The following CDK7 variants were observed in gnomAD, a reference collection of about 807,000 sequenced individuals.
CDK7 encodes the protein cyclin dependent kinase 7.
Under a neutral mutation model 49.1 loss-of-function variants are expected in CDK7, and 25 were observed. The observed-to-expected ratio is 0.51, with a 90% confidence interval of 0.37 to 0.71. CDK7 has a LOEUF of 0.71. CDK7 is among the 30% of genes least tolerant of loss of function. The probability of loss-of-function intolerance (pLI) is 0.00; values close to 1 mark genes in which losing one functional copy is unlikely to be tolerated. For synonymous variants in CDK7, 107 were observed against 140.0 expected (o/e 0.76, Z 1.67); for missense variants, 316 against 411.7 (o/e 0.77, Z 2.01).
chr5:69,273,983 T>A (rs1340885074), intron 10 of CDK7, among the ~76,000 whole-genome samples: 1 of 152,188 alleles, frequency 6.6e-6, no homozygotes, highest in Non-Finnish European at 1.5e-5. Context: ...ATTTCTTTTT[T>A]AAAAAATTTT....
In CDK7 at chr5:69,235,706, G is replaced by C. The variant is rs371798794; in HGVS notation, c.126+253G>C. The stretch of plus-strand genomic sequence containing the variant: ...GCATAAATTCATATGTTGTGGGCAA[G>C]TACTGCCCATCTTTTCGGTCCTCAG... On this transcript the variant is annotated intron_variant, in intron 2 of 11. Coordinates refer to ENST00000256443, the MANE Select transcript of CDK7 (RefSeq NM_001799.4). 1.8e-3 allele frequency among the ~76,000 whole-genome samples: 274 copies of C among 152,344 alleles called. 11 individuals are homozygous for C. The South Asian group carries it at 0.053, about 29-fold the overall frequency.
At chr5:69,248,717 G>A (rs1230889090) in intron 2 of CDK7, among the ~76,000 whole-genome samples, 1 of 151,152 alleles carries the variant, frequency 6.6e-6, no homozygotes, top group Non-Finnish European at 1.5e-5. Flanking sequence ...TTGACTTTTA[G>A]AGTTTGATTA....
intron 9 of CDK7, among the ~76,000 whole-genome samples, chr5:69,270,860 G>A (rs537246826): frequency 1.1e-4 from 16 of 152,178 alleles, no homozygotes; most frequent in East Asian, 1.9e-4. Context: ...TTCTTCAACC[G>A]TTCACCCATT....
At chr5:69,273,619 CT>C (rs1346645668) in intron 10 of CDK7, among the ~76,000 whole-genome samples, 3 of 152,196 alleles carry the variant, frequency 2.0e-5, no homozygotes, top group Middle Eastern at 3.4e-3. Flanking sequence ...AAATAACAAA[CT>C]CATGAAAAAT....
intron 11 of CDK7, 22 bp from the exon 12 acceptor site, chr5:69,277,085 T>TC: frequency 1.3e-6 from 2 of 1,582,452 alleles, no homozygotes; most frequent in Non-Finnish European, 1.7e-6. Flanking sequence ...CTTTTTTTTT[T>TC]CTTGTTCTTT....
intron 10 of CDK7, among the ~76,000 whole-genome samples, chr5:69,274,104 T>C (rs1751861616): frequency 6.6e-6 from 1 of 152,224 alleles, no homozygotes; most frequent in African/African-American, 2.4e-5. Context: ...ATAATAAACT[T>C]GAGACCACAT....
intron 10 of CDK7, among the ~76,000 whole-genome samples, chr5:69,274,816 A>G (rs991651571): frequency 1.3e-5 from 2 of 152,078 alleles, no homozygotes; most frequent in African/African-American, 4.8e-5. Flanking sequence ...GGGTTTCACC[A>G]TGTTATCGAG....
chr5:69,252,187 G>A (rs1750185004), intron 2 of CDK7, among the ~76,000 whole-genome samples: 1 of 152,112 alleles, frequency 6.6e-6, no homozygotes, highest in Admixed American at 6.5e-5. Context: ...TTATTTGAAT[G>A]TGTAGTTCAG....
chr5:69,247,312 T>C (rs1429702906), intron 2 of CDK7, among the ~76,000 whole-genome samples: 1 of 152,248 alleles, frequency 6.6e-6, no homozygotes, highest in East Asian at 1.9e-4. Context: ...ATCCTCTTAC[T>C]GAATTGACGC....
intron 8 of CDK7, among the ~76,000 whole-genome samples, chr5:69,268,694 T>C (rs1751321953): frequency 6.6e-6 from 1 of 150,438 alleles, no homozygotes; most frequent in Non-Finnish European, 1.5e-5. Context: ...CTACTAAAAA[T>C]ACAAAAAAAT....
chr5:69,248,739 G>C (rs1296623531), intron 2 of CDK7, among the ~76,000 whole-genome samples: 2 of 150,622 alleles, frequency 1.3e-5, no homozygotes, highest in African/African-American at 4.9e-5. Flanking sequence ...TAAATATGTT[G>C]AGGTAGTCTT....
At chr5:69,256,932 A>G (rs1750529948) in intron 5 of CDK7, among the ~76,000 whole-genome samples, 1 of 152,178 alleles carries the variant, frequency 6.6e-6, no homozygotes, top group Non-Finnish European at 1.5e-5. Context: ...ATTAATAATT[A>G]TCAAAACTGG....
chr5:69,255,153 C>T (rs1488370325), intron 4 of CDK7, among the ~76,000 whole-genome samples: 1 of 152,132 alleles, frequency 6.6e-6, no homozygotes, highest in Non-Finnish European at 1.5e-5. Context: ...ACATTTGGGA[C>T]TTTTCTTTTG....
intron 8 of CDK7, among the ~76,000 whole-genome samples, chr5:69,263,372 T>C (rs28710781): frequency 0.98 from 148,705 of 152,270 alleles, 72,636 homozygotes; most frequent in East Asian, 1. Context: ...AAAACAACTT[T>C]TGTACACCAA....
chr5:69,276,671 A>AAT lies in CDK7; in HGVS notation c.994_995insTA (p.Thr332IlefsTer5). 6.2e-7 allele frequency: 1 copy of AAT among 1,614,176 alleles called. No homozygotes were observed. Among genetic ancestry groups the AAT allele is most frequent in the Non-Finnish European group, 8.5e-7 (1 of 1,179,994 alleles). On this transcript the variant is annotated frameshift_variant, in exon 11 of 12. Transcript: ENST00000256443. LOFTEE classifies it high-confidence loss of function. ...CAGCTTTGGCAATAAAAAGGAAAAG[A>AAT]ACAGAGGCCTTAGAACAAGGTAAGA... is the stretch of plus-strand genomic sequence containing the variant.
chr5:69,262,200 T>C lies in CDK7; in HGVS notation c.528-5T>C, dbSNP rs770090370. The C allele has an allele frequency of 6.2e-7, 1 of 1,613,394 alleles. No individual in the cohort carries two copies. The highest frequency in any genetic ancestry group is 8.5e-7 in the Non-Finnish European group (1 of 1,180,024). The stretch of plus-strand genomic sequence containing the variant: ...AAAATGATACTAATTCTTTTTGTTC[T>C]TTAGGTGGTATCGGGCCCCCGAGTT... On this transcript the variant is annotated splice_polypyrimidine_tract_variant and splice_region_variant and intron_variant, in intron 7 of 11. Transcript: ENST00000256443.
At chr5:69,258,802 A>G (rs1304897711) in intron 6 of CDK7, among the ~76,000 whole-genome samples, 6 of 152,150 alleles carry the variant, frequency 3.9e-5, no homozygotes, top group African/African-American at 1.4e-4. Flanking sequence ...TGACCCAGGC[A>G]TGGTGGCTCA....
At chr5:69,270,299 C>T (rs1293522033) in intron 9 of CDK7, among the ~76,000 whole-genome samples, 1 of 151,904 alleles carries the variant, frequency 6.6e-6, no homozygotes, top group African/African-American at 2.4e-5. Flanking sequence ...AAAAATTTAG[C>T]CAGGCTTGGT....
At chr5:69,269,141 TA>T (rs892178861) in intron 8 of CDK7, 65 bp from the exon 9 acceptor site, 6 of 1,074,272 alleles carry the variant, frequency 5.6e-6, no homozygotes, top group Non-Finnish European at 8.2e-6. Flanking sequence ...TCTGTCTCTC[TA>T]AAAAAAGAAA....
Sources: allele counts gnomAD v4.1 joint callset (sites outside exome capture counted in the v4.1 genomes callset), GRCh38; gene constraint gnomAD v4.1.1; transcripts MANE v1.5; gene names NCBI Gene and HGNC (gene_info 2026-07-23, HGNC 2026-07-21).